Variants in LHFPL3 observed in about 807,000 individuals in gnomAD.
LHFPL3 encodes LHFPL tetraspan subfamily member 3, also known as LHFPL tetraspan subfamily member 3 protein.
LHFPL3 carries 5 observed loss-of-function variants against 19.3 expected under a neutral mutation model. That is an observed-to-expected ratio of 0.26 (90% CI 0.14 to 0.54). The LOEUF is 0.54. Among genes scored for constraint, LHFPL3 ranks in the 20% least tolerant of loss-of-function variants. The probability of loss-of-function intolerance (pLI) is 0.94; values close to 1 mark genes in which losing one functional copy is unlikely to be tolerated. For missense variants in LHFPL3, 249 were observed against 307.4 expected (o/e 0.81, Z 1.42); for synonymous variants, 133 against 126.2 (o/e 1.05, Z -0.36).
intron 2 of LHFPL3, among the ~76,000 whole-genome samples, chr7:104,791,421 C>T (rs1415689416): frequency 6.6e-6 from 1 of 152,148 alleles, no homozygotes; most frequent in Non-Finnish European, 1.5e-5. Flanking sequence ...GATTATTGGT[C>T]CCCTACTTAG....
At chr7:104,571,017 T>C (rs1405918602) in intron 1 of LHFPL3, among the ~76,000 whole-genome samples, 1 of 152,208 alleles carries the variant, frequency 6.6e-6, no homozygotes, top group Non-Finnish European at 1.5e-5. Flanking sequence ...GTTCACCTGG[T>C]AAAAAGAGCT....
intron 1 of LHFPL3, among the ~76,000 whole-genome samples, chr7:104,588,295 A>C (rs1790628274): frequency 6.6e-6 from 1 of 152,152 alleles, no homozygotes; most frequent in African/African-American, 2.4e-5. Context: ...ATTTTTGTAT[A>C]AGGTGTAAGG....
chr7:104,518,897 ACTTC>A (rs1306889735), intron 1 of LHFPL3, among the ~76,000 whole-genome samples: 1 of 152,156 alleles, frequency 6.6e-6, no homozygotes, highest in East Asian at 1.9e-4. Context: ...ATATTTACAT[ACTTC>A]CTTTGTAACT....
At chr7:104,348,593 T>C (rs758351444) in intron 1 of LHFPL3, among the ~76,000 whole-genome samples, 23 of 152,192 alleles carry the variant, frequency 1.5e-4, no homozygotes, top group Non-Finnish European at 2.9e-4. Context: ...TATTTGACCT[T>C]AACACAAAGA....
intron 1 of LHFPL3, chr7:104,667,725 A>G (rs1792383209): frequency 6.6e-7 from 1 of 1,508,006 alleles, no homozygotes; most frequent in Non-Finnish European, 9.1e-7. Flanking sequence ...AAGAAATACA[A>G]GGAAAAGCTT....
intron 2 of LHFPL3, among the ~76,000 whole-genome samples, chr7:104,879,236 C>T (rs1257153162): frequency 1.3e-5 from 2 of 151,884 alleles, no homozygotes; most frequent in Admixed American, 6.6e-5. Flanking sequence ...GGGCAATATG[C>T]GAGACCCCAT....
chr7:104,346,898 GA>G (rs1262478826), intron 1 of LHFPL3, among the ~76,000 whole-genome samples: 1 of 148,650 alleles, frequency 6.7e-6, no homozygotes, highest in Non-Finnish European at 1.5e-5. Flanking sequence ...TTACCAGGAA[GA>G]AAAATGTGGC....
chr7:104,699,554 G>A (rs1793062294), intron 1 of LHFPL3, among the ~76,000 whole-genome samples: 1 of 152,164 alleles, frequency 6.6e-6, no homozygotes, highest in Non-Finnish European at 1.5e-5. Context: ...AAGGAGAATG[G>A]GGAATTAGTG....
chr7:104,787,787 C>T (rs1455442470), intron 2 of LHFPL3, among the ~76,000 whole-genome samples: 2 of 152,124 alleles, frequency 1.3e-5, no homozygotes, highest in Non-Finnish European at 2.9e-5. Flanking sequence ...GTTCCTCCTG[C>T]CTTAGCCTCC....
chr7:104,864,030 C>G (rs914261778), intron 2 of LHFPL3, among the ~76,000 whole-genome samples: 1 of 152,200 alleles, frequency 6.6e-6, no homozygotes, highest in African/African-American at 2.4e-5. Context: ...CACTGTATAA[C>G]TGTTAGCTAT....
chr7:104,565,656 A>G (rs1200366919), intron 1 of LHFPL3, among the ~76,000 whole-genome samples: 2 of 152,044 alleles, frequency 1.3e-5, no homozygotes, highest in African/African-American at 2.4e-5. Flanking sequence ...ACTTCATCTT[A>G]CTGGATAACA....
chr7:104,764,190 A>T (rs1001470471), intron 2 of LHFPL3, among the ~76,000 whole-genome samples: 1 of 152,014 alleles, frequency 6.6e-6, no homozygotes, highest in Non-Finnish European at 1.5e-5. Flanking sequence ...TTTTATTGAG[A>T]CAGAGTCTCA....
intron 1 of LHFPL3, among the ~76,000 whole-genome samples, chr7:104,518,911 T>C (rs940137809): frequency 2.0e-5 from 3 of 152,172 alleles, no homozygotes; most frequent in African/African-American, 4.8e-5. Flanking sequence ...CCTTTGTAAC[T>C]AATAAAAATT....
chr7:104,839,303 T>C (rs2116581844), intron 2 of LHFPL3, among the ~76,000 whole-genome samples: 1 of 152,316 alleles, frequency 6.6e-6, no homozygotes, highest in South Asian at 2.1e-4. Flanking sequence ...TGGAACTCCA[T>C]TCCTGAGATC....
intron 2 of LHFPL3, among the ~76,000 whole-genome samples, chr7:104,866,327 AC>A (rs1454285432): frequency 6.6e-6 from 1 of 152,132 alleles, no homozygotes; most frequent in Non-Finnish European, 1.5e-5. Flanking sequence ...TATTCAAGAA[AC>A]CCATCTCATG....
intron 2 of LHFPL3, among the ~76,000 whole-genome samples, chr7:104,885,756 A>G (rs1584598054): frequency 6.6e-6 from 1 of 152,012 alleles, no homozygotes. Context: ...GAGTCTTACA[A>G]TGTAATTCTC....
chr7:104,425,122 T>C (rs985502964), intron 1 of LHFPL3, among the ~76,000 whole-genome samples: 2 of 151,922 alleles, frequency 1.3e-5, no homozygotes, highest in Non-Finnish European at 2.9e-5. Context: ...ATAAAAAGTA[T>C]TCTGATCACT....
intron 1 of LHFPL3, among the ~76,000 whole-genome samples, chr7:104,545,880 A>G (rs1001454193): frequency 6.6e-5 from 10 of 152,198 alleles, no homozygotes; most frequent in African/African-American, 2.4e-4. Context: ...CAGATGGAGC[A>G]TTGCACAATA....
chr7:104,373,898 C>A (rs62486513), intron 1 of LHFPL3, among the ~76,000 whole-genome samples: 12,115 of 152,152 alleles, frequency 0.08, 573 homozygotes, highest in East Asian at 0.13. Context: ...TTTGCAGGAT[C>A]ATTTCAAGAT....
Sources: allele counts gnomAD v4.1 joint callset (sites outside exome capture counted in the v4.1 genomes callset), GRCh38; gene constraint gnomAD v4.1.1; transcripts MANE v1.5; gene names NCBI Gene and HGNC (gene_info 2026-07-23, HGNC 2026-07-21).